Variants in PREX1 observed in about 807,000 individuals in gnomAD.
PREX1 encodes the protein phosphatidylinositol 3,4,5-trisphosphate-dependent Rac exchanger 1 protein.
A neutral mutation model predicts 198.3 loss-of-function variants in PREX1; 41 were observed. The ratio of observed to expected loss-of-function variants is 0.21; its 90% confidence interval spans 0.16 to 0.27. The LOEUF is 0.27. Ranked by LOEUF, PREX1 falls within the 10% of genes least tolerant of loss-of-function variation. The pLI is 1.00. For missense variants in PREX1, 1,620 were observed against 2,200.7 expected (o/e 0.74, Z 5.28); for synonymous variants, 843 against 887.2 (o/e 0.95, Z 0.89).
chr20:48,780,372 C>T (rs888106515), intron 1 of PREX1, among the ~76,000 whole-genome samples: 5 of 152,132 alleles, frequency 3.3e-5, no homozygotes, highest in Non-Finnish European at 5.9e-5. Flanking sequence ...AATCCCAGCA[C>T]TTTGGGAGGT....
At chr20:48,782,756 C>T (rs550283432) in intron 1 of PREX1, among the ~76,000 whole-genome samples, 44 of 152,206 alleles carry the variant, frequency 2.9e-4, no homozygotes, top group African/African-American at 8.7e-4. Flanking sequence ...AACCTAGAGG[C>T]CGGGCTGTGT....
chr20:48,686,028 G>A (rs1297315858), intron 10 of PREX1, among the ~76,000 whole-genome samples: 2 of 152,226 alleles, frequency 1.3e-5, no homozygotes, highest in South Asian at 2.1e-4. Flanking sequence ...GACAGGCAAA[G>A]TACAGTGGGA....
At chr20:48,743,862 C>T (rs2090093892) in intron 3 of PREX1, among the ~76,000 whole-genome samples, 1 of 152,310 alleles carries the variant, frequency 6.6e-6, no homozygotes, top group Middle Eastern at 3.4e-3. Flanking sequence ...ATGACTGCAT[C>T]TTGGGGTAGT....
chr20:48,795,091 T>C (rs569621801), intron 1 of PREX1, among the ~76,000 whole-genome samples: 1 of 152,280 alleles, frequency 6.6e-6, no homozygotes, highest in African/African-American at 2.4e-5. Flanking sequence ...ATGTATGTAT[T>C]TGATGACCGG....
the PREX1 span, among the ~76,000 whole-genome samples, chr20:48,881,767 A>G: frequency 1.3e-5 from 2 of 152,286 alleles, no homozygotes; most frequent in Admixed American, 6.5e-5. Context: ...TTACAGGCGT[A>G]AGCCACAGCA....
chr20:48,650,708 C>A (rs71351936), intron 23 of PREX1, among the ~76,000 whole-genome samples, 186 bp downstream of exon 23: 1 of 152,292 alleles, frequency 6.6e-6, no homozygotes, highest in African/African-American at 2.4e-5. Flanking sequence ...CCAGGAGATG[C>A]GGAGAGGCCG....
intron 29 of PREX1, 92 bp downstream of exon 29, chr20:48,642,076 G>C (rs2089417965): frequency 7.6e-7 from 1 of 1,317,956 alleles, no homozygotes; most frequent in Admixed American, 1.8e-5. Context: ...TCAGCAGTAG[G>C]AGGGCAGAGC....
chr20:48,885,443 CA>C, the PREX1 span, among the ~76,000 whole-genome samples: 3 of 152,214 alleles, frequency 2.0e-5, no homozygotes, highest in Non-Finnish European at 4.4e-5. Context: ...AACTCTCATT[CA>C]TTGCTAGTAG....
intron 5 of PREX1, among the ~76,000 whole-genome samples, chr20:48,723,420 C>T (rs750230666): frequency 5.3e-5 from 8 of 152,212 alleles, no homozygotes; most frequent in Non-Finnish European, 1.2e-4. Flanking sequence ...CGGGTGTTTG[C>T]TGATGCAAAT....
intron 4 of PREX1, among the ~76,000 whole-genome samples, chr20:48,731,469 C>T (rs1007731505): frequency 2.2e-4 from 34 of 152,288 alleles, no homozygotes; most frequent in African/African-American, 7.0e-4. Flanking sequence ...ATCTTTAGCC[C>T]GTAGAATGAT....
At chr20:48,813,841 T>G (rs1568651604) in intron 1 of PREX1, among the ~76,000 whole-genome samples, 1 of 152,138 alleles carries the variant, frequency 6.6e-6, no homozygotes, top group Non-Finnish European at 1.5e-5. Flanking sequence ...AAAATATCAT[T>G]TTACCATACT....
chr20:48,823,601 A>C (rs2090496819), intron 1 of PREX1, among the ~76,000 whole-genome samples: 1 of 152,224 alleles, frequency 6.6e-6, no homozygotes. Context: ...CGGAGCCCAG[A>C]GCAAGAACTC....
chr20:48,714,929 G>T (rs189849506), intron 5 of PREX1, among the ~76,000 whole-genome samples: 1 of 152,248 alleles, frequency 6.6e-6, no homozygotes, highest in African/African-American at 2.4e-5. Flanking sequence ...ATAAAATGTG[G>T]GTATCTTCAA....
chr20:48,850,453 T>C, the PREX1 span, among the ~76,000 whole-genome samples: 1 of 151,790 alleles, frequency 6.6e-6, no homozygotes, highest in East Asian at 1.9e-4. Flanking sequence ...CCGGTGACCT[T>C]TGGGAGAAAC....
At chr20:48,868,311 G>A in the PREX1 span, among the ~76,000 whole-genome samples, 1 of 152,024 alleles carries the variant, frequency 6.6e-6, no homozygotes, top group East Asian at 1.9e-4. Flanking sequence ...ATCTATACAG[G>A]AAAACACTTA....
intron 5 of PREX1, among the ~76,000 whole-genome samples, chr20:48,725,461 C>T (rs780257140): frequency 6.6e-6 from 1 of 152,250 alleles, no homozygotes; most frequent in Non-Finnish European, 1.5e-5. Context: ...AGCAGCAAAC[C>T]TTCCCTGCTT....
At chr20:48,842,538 C>T in the PREX1 span, among the ~76,000 whole-genome samples, 1 of 151,622 alleles carries the variant, frequency 6.6e-6, no homozygotes, top group South Asian at 2.1e-4. Context: ...CTCTCTCCAG[C>T]GTGGTGCAGT....
At chr20:48,811,391 T>A (rs1174639715) in intron 1 of PREX1, among the ~76,000 whole-genome samples, 1 of 152,178 alleles carries the variant, frequency 6.6e-6, no homozygotes. Context: ...TTAGGACCCC[T>A]GGGTTTGGAA....
intron 25 of PREX1, among the ~76,000 whole-genome samples, chr20:48,646,661 G>T (rs191648497): frequency 7.0e-6 from 1 of 142,876 alleles, no homozygotes; most frequent in Non-Finnish European, 1.5e-5. Flanking sequence ...TGCACAGAGC[G>T]AGAGAACCCA....
Sources: allele counts gnomAD v4.1 joint callset (sites outside exome capture counted in the v4.1 genomes callset), GRCh38; gene constraint gnomAD v4.1.1; transcripts MANE v1.5; gene names NCBI Gene and HGNC (gene_info 2026-07-23, HGNC 2026-07-21).